RBFOX1: variants seen among roughly 807,000 people sequenced by gnomAD.
The protein encoded by RBFOX1 is RNA binding fox-1 homolog 1.
Under a neutral mutation model 57.7 loss-of-function variants are expected in RBFOX1, and 8 were observed. That is an observed-to-expected ratio of 0.14 (90% confidence interval 0.08 to 0.25). The LOEUF (loss-of-function observed/expected upper bound fraction) is 0.25, where lower values mean the gene tolerates loss of function less well. Among genes scored for constraint, RBFOX1 ranks in the 10% least tolerant of loss-of-function variants. The pLI, the probability that RBFOX1 is intolerant of heterozygous loss-of-function variation, is 1.00. For synonymous variants in RBFOX1, 326 were observed against 222.4 expected, an observed-to-expected ratio of 1.47 and a Z score of -4.15; for missense variants, 611 against 548.5, an observed-to-expected ratio of 1.11 and a Z score of -1.14.
At chr16:7,062,325 A>G (rs1294309060) in intron 4 of RBFOX1, among the ~76,000 whole-genome samples, 1 of 148,474 alleles carries the variant, frequency 6.7e-6, no homozygotes, top group Non-Finnish European at 1.5e-5. Context: ...CTCAAAAAAA[A>G]AAAAAAAAAA....
At chr16:5,401,729 C>T (rs951768255) in intron 1 of RBFOX1, among the ~76,000 whole-genome samples, 1 of 149,506 alleles carries the variant, frequency 6.7e-6, no homozygotes, top group African/African-American at 2.5e-5. Context: ...TTAGTATTTT[C>T]CCTGTCTCTT....
chr16:6,973,368 CA>C (rs1211001557), intron 3 of RBFOX1, among the ~76,000 whole-genome samples: 5 of 152,152 alleles, frequency 3.3e-5, no homozygotes, highest in African/African-American at 9.7e-5. Context: ...GTTGGCATTT[CA>C]GAGATAATTC....
chr16:6,944,854 A>G (rs1265146558), intron 3 of RBFOX1, among the ~76,000 whole-genome samples: 9 of 152,116 alleles, frequency 5.9e-5, no homozygotes, highest in Admixed American at 5.9e-4. Flanking sequence ...CCAATTAGCA[A>G]CTCCAATTGA....
intron 2 of RBFOX1, among the ~76,000 whole-genome samples, chr16:6,568,369 C>T (rs1007418032): frequency 2.0e-5 from 3 of 152,124 alleles, no homozygotes; most frequent in Non-Finnish European, 4.4e-5. Flanking sequence ...TTACAGGCTG[C>T]TGGAGTGTCC....
chr16:5,797,824 T>G (rs903903414), intron 3 of RBFOX1, among the ~76,000 whole-genome samples: 4 of 152,170 alleles, frequency 2.6e-5, no homozygotes, highest in Admixed American at 2.6e-4. Flanking sequence ...AGTGATGGGC[T>G]CATAATGAAA....
chr16:5,734,829 G>C (rs1820371172), intron 3 of RBFOX1, among the ~76,000 whole-genome samples: 1 of 152,138 alleles, frequency 6.6e-6, no homozygotes, highest in Non-Finnish European at 1.5e-5. Flanking sequence ...AGGGAGATAA[G>C]GGTGTTTAAG....
At chr16:5,421,192 G>C (rs1185266024) in intron 1 of RBFOX1, among the ~76,000 whole-genome samples, 1 of 151,784 alleles carries the variant, frequency 6.6e-6, no homozygotes, top group Non-Finnish European at 1.5e-5. Context: ...GTTTTTGGTA[G>C]AGATGAGGTT....
intron 4 of RBFOX1, among the ~76,000 whole-genome samples, chr16:7,344,411 A>C (rs919391438): frequency 6.7e-6 from 1 of 149,898 alleles, no homozygotes; most frequent in Non-Finnish European, 1.5e-5. Flanking sequence ...TATATATTTC[A>C]ATAATATATG....
At chr16:5,989,593 C>T (rs117492053) in intron 4 of RBFOX1, among the ~76,000 whole-genome samples, 2,366 of 152,014 alleles carry the variant, frequency 0.016, 50 homozygotes, top group South Asian at 0.095. Flanking sequence ...TGGGTGCTGG[C>T]GATGTGGGTG....
chr16:5,313,234 C>T (rs2064139858), intron 1 of RBFOX1, among the ~76,000 whole-genome samples: 1 of 152,064 alleles, frequency 6.6e-6, no homozygotes, highest in Admixed American at 6.6e-5. Flanking sequence ...TTGCTGCAAC[C>T]CTTAGGACCT....
At chr16:6,705,378 C>T (rs1458263184) in intron 3 of RBFOX1, 1 of 152,200 alleles carries the variant, frequency 6.6e-6, no homozygotes, top group Admixed American at 6.5e-5. Flanking sequence ...TCATGTTTAG[C>T]TTAATTGGGA....
intron 1 of RBFOX1, among the ~76,000 whole-genome samples, chr16:5,304,505 A>G (rs760949947): frequency 2.6e-5 from 4 of 152,222 alleles, no homozygotes; most frequent in Non-Finnish European, 5.9e-5. Context: ...ACATGGACAC[A>G]AAATCCTATC....
chr16:6,546,373 C>T (rs760941363), intron 2 of RBFOX1, among the ~76,000 whole-genome samples: 3 of 152,176 alleles, frequency 2.0e-5, no homozygotes, highest in Admixed American at 1.3e-4. Flanking sequence ...AAATGACAGA[C>T]ATTTATTGCC....
At chr16:6,031,633 G>A (rs1057328792) in intron 1 of RBFOX1, among the ~76,000 whole-genome samples, 4 of 152,222 alleles carry the variant, frequency 2.6e-5, no homozygotes, top group Admixed American at 6.5e-5. Flanking sequence ...GCACGTGTGT[G>A]TATGTATGTA....
intron 3 of RBFOX1, among the ~76,000 whole-genome samples, chr16:6,885,138 C>G (rs913140692): frequency 6.6e-6 from 1 of 152,154 alleles, no homozygotes; most frequent in Non-Finnish European, 1.5e-5. Context: ...GTCTCAAGCT[C>G]TGACTGGACC....
chr16:6,987,801 G>C (rs1340669275), intron 3 of RBFOX1, among the ~76,000 whole-genome samples: 3 of 152,136 alleles, frequency 2.0e-5, no homozygotes, highest in Non-Finnish European at 4.4e-5. Flanking sequence ...AAGGCTGTTG[G>C]GATGACTGGT....
chr16:7,315,647 A>AATATATAT (rs5815396), intron 4 of RBFOX1, among the ~76,000 whole-genome samples: 1 of 148,800 alleles, frequency 6.7e-6, no homozygotes, highest in Non-Finnish European at 1.5e-5. Flanking sequence ...TGGAGAACAG[A>AATATATAT]ATATATATAT....
chr16:7,442,515 G>A (rs1363969801), intron 4 of RBFOX1, among the ~76,000 whole-genome samples: 2 of 152,116 alleles, frequency 1.3e-5, no homozygotes, highest in Admixed American at 1.3e-4. Context: ...ATAAAAATGA[G>A]GAGGCCGCAA....
chr16:7,550,869 G>A (rs1178648297), intron 5 of RBFOX1, among the ~76,000 whole-genome samples: 3 of 151,946 alleles, frequency 2.0e-5, no homozygotes, highest in Non-Finnish European at 4.4e-5. Context: ...CGAGGCAGGC[G>A]GATCACTTGA....
Sources: allele counts gnomAD v4.1 joint callset (sites outside exome capture counted in the v4.1 genomes callset), GRCh38; gene constraint gnomAD v4.1.1; transcripts MANE v1.5; gene names NCBI Gene and HGNC (gene_info 2026-07-23, HGNC 2026-07-21).